The following PABPC4L variants were observed in gnomAD, a reference collection of about 807,000 sequenced individuals.
PABPC4L encodes polyadenylate-binding protein 4-like.
For synonymous variants in PABPC4L, 169 were observed against 164.1 expected, an observed-to-expected ratio of 1.03 and a Z score of -0.23; for missense variants, 452 against 451.4, an observed-to-expected ratio of 1.00 and a Z score of -0.01.
chr4:134,177,416 C>T, the PABPC4L span, among the ~76,000 whole-genome samples: 20 of 152,102 alleles, frequency 1.3e-4, no homozygotes, highest in Admixed American at 8.5e-4. Context: ...ACTTGCGATC[C>T]GCCCACCTCG....
At chr4:134,108,515 A>T in the PABPC4L span, among the ~76,000 whole-genome samples, 291 of 152,022 alleles carry the variant, frequency 1.9e-3, 1 homozygote, top group African/African-American at 6.6e-3. Flanking sequence ...ATAAAAATGA[A>T]GGACTGAAGA....
the PABPC4L span, among the ~76,000 whole-genome samples, chr4:134,118,567 T>A: frequency 6.6e-6 from 1 of 151,950 alleles, no homozygotes; most frequent in East Asian, 1.9e-4. Flanking sequence ...ATTTAAAGAT[T>A]AATTTTTATC....
At chr4:134,026,122 T>C in the PABPC4L span, among the ~76,000 whole-genome samples, 1 of 152,314 alleles carries the variant, frequency 6.6e-6, no homozygotes, top group African/African-American at 2.4e-5. Context: ...TTTGAGTTTA[T>C]AATTGGCACT....
the PABPC4L span, among the ~76,000 whole-genome samples, chr4:134,069,335 T>A: frequency 1.3e-5 from 2 of 152,074 alleles, no homozygotes; most frequent in African/African-American, 4.8e-5. Flanking sequence ...CTCAGAGGGG[T>A]TCTCTGCATT....
chr4:134,007,272 T>C, the PABPC4L span, among the ~76,000 whole-genome samples: 1 of 151,758 alleles, frequency 6.6e-6, no homozygotes, highest in Non-Finnish European at 1.5e-5. Context: ...TAATTGAAAG[T>C]TTTTATCTAA....
chr4:134,154,789 C>T, the PABPC4L span, among the ~76,000 whole-genome samples: 1 of 151,652 alleles, frequency 6.6e-6, no homozygotes, highest in Admixed American at 6.6e-5. Flanking sequence ...TTTTAAATTT[C>T]TTAAGTTTCA....
At chr4:134,027,361 G>A in the PABPC4L span, among the ~76,000 whole-genome samples, 3 of 152,138 alleles carry the variant, frequency 2.0e-5, no homozygotes, top group Non-Finnish European at 4.4e-5. Context: ...TGAAATTCCA[G>A]CCAACCCAGC....
the PABPC4L span, among the ~76,000 whole-genome samples, chr4:133,968,408 G>A: frequency 2.0e-5 from 3 of 152,174 alleles, no homozygotes; most frequent in African/African-American, 7.2e-5. Flanking sequence ...GGAAATAAAG[G>A]GTGGAGCTAA....
chr4:134,148,317 T>C, the PABPC4L span, among the ~76,000 whole-genome samples: 1 of 152,180 alleles, frequency 6.6e-6, no homozygotes, highest in Non-Finnish European at 1.5e-5. Context: ...TCCCTTAATG[T>C]TATTTATGGA....
chr4:134,092,262 C>G, the PABPC4L span, among the ~76,000 whole-genome samples: 7 of 151,952 alleles, frequency 4.6e-5, no homozygotes, highest in African/African-American at 1.7e-4. Context: ...CTATAAAAAC[C>G]CCAAACTCCC....
At chr4:134,047,556 GTTTAC>G in the PABPC4L span, among the ~76,000 whole-genome samples, 1 of 152,128 alleles carries the variant, frequency 6.6e-6, no homozygotes, top group Non-Finnish European at 1.5e-5. Context: ...CACTGTCACA[GTTTAC>G]TTTATCAAAT....
the PABPC4L span, among the ~76,000 whole-genome samples, chr4:134,120,297 C>G: frequency 2.1e-5 from 3 of 143,520 alleles, no homozygotes; most frequent in Non-Finnish European, 4.6e-5. Flanking sequence ...TTCTAATGAA[C>G]TAGAGTGATT....
chr4:134,149,267 A>G, the PABPC4L span, among the ~76,000 whole-genome samples: 3 of 152,174 alleles, frequency 2.0e-5, no homozygotes, highest in East Asian at 1.9e-4. Context: ...GGCAAAGAAG[A>G]CTTTTTAATT....
the PABPC4L span, among the ~76,000 whole-genome samples, chr4:134,078,415 A>T: frequency 1.3e-5 from 2 of 152,306 alleles, no homozygotes; most frequent in East Asian, 3.9e-4. Context: ...TCAAAAAGAA[A>T]ATGAAACTAC....
the PABPC4L span, among the ~76,000 whole-genome samples, chr4:133,950,261 G>T: frequency 6.6e-6 from 1 of 152,094 alleles, no homozygotes; most frequent in Admixed American, 6.6e-5. Context: ...GAGAGGGAAG[G>T]TGTTCACCCA....
chr4:134,074,578 C>T, the PABPC4L span, among the ~76,000 whole-genome samples: 1 of 152,080 alleles, frequency 6.6e-6, no homozygotes, highest in South Asian at 2.1e-4. Context: ...ATCTTTACAG[C>T]TCCACTGCTC....
the PABPC4L span, among the ~76,000 whole-genome samples, chr4:134,030,749 G>A: frequency 2.0e-5 from 3 of 151,916 alleles, no homozygotes; most frequent in African/African-American, 7.2e-5. Flanking sequence ...ATAATATTTT[G>A]CATATGCCCT....
At chr4:134,128,392 A>C in the PABPC4L span, among the ~76,000 whole-genome samples, 1 of 152,168 alleles carries the variant, frequency 6.6e-6, no homozygotes, top group Non-Finnish European at 1.5e-5. Context: ...CAAAGGAAAG[A>C]ATATTAAGAG....
chr4:134,163,476 G>T, the PABPC4L span, among the ~76,000 whole-genome samples: 2 of 152,014 alleles, frequency 1.3e-5, no homozygotes, highest in Non-Finnish European at 2.9e-5. Context: ...AGACTGAAAA[G>T]AAGGAAATCA....
Sources: gnomAD v4.1 joint callset for allele counts (sites outside exome capture counted in the v4.1 genomes callset) on GRCh38, gnomAD v4.1.1 for gene constraint, MANE v1.5 for transcripts, NCBI Gene and HGNC (gene_info 2026-07-23, HGNC 2026-07-21) for gene names.